Variants in PRDM5 observed in about 807,000 individuals in gnomAD.
PRDM5 encodes the protein PR domain zinc finger protein 5.
PRDM5 carries 56 observed loss-of-function variants against 81.2 expected under a neutral mutation model. That is an observed-to-expected ratio of 0.69 (90% confidence interval 0.56 to 0.86). PRDM5 has a LOEUF of 0.86. PRDM5 is among the 40% of genes least tolerant of loss of function. PRDM5 has a pLI of 0.00. For synonymous variants in PRDM5, 267 were observed against 256.4 expected (o/e 1.04, Z -0.39); for missense variants, 697 against 770.1 (o/e 0.91, Z 1.12).
At chr4:120,750,262 G>A (rs1288447342) in intron 14 of PRDM5, among the ~76,000 whole-genome samples, 3 of 152,156 alleles carry the variant, frequency 2.0e-5, no homozygotes, top group Non-Finnish European at 4.4e-5. Flanking sequence ...ACAACCCTGA[G>A]ACTCAAGTGC....
chr4:120,870,035 A>G (rs995893867), intron 2 of PRDM5, among the ~76,000 whole-genome samples: 7 of 152,192 alleles, frequency 4.6e-5, no homozygotes, highest in African/African-American at 1.7e-4. Flanking sequence ...AGAATAGGAG[A>G]GGAGGACATA....
chr4:120,804,056 C>G (rs1578800191), intron 8 of PRDM5, among the ~76,000 whole-genome samples: 1 of 152,220 alleles, frequency 6.6e-6, no homozygotes, highest in Non-Finnish European at 1.5e-5. Context: ...CAATCCTAGT[C>G]TCTGATAAAA....
chr4:120,906,169 C>T (rs1017459745), intron 2 of PRDM5, among the ~76,000 whole-genome samples: 1 of 151,980 alleles, frequency 6.6e-6, no homozygotes, highest in Non-Finnish European at 1.5e-5. Context: ...CATTGGGTTG[C>T]TATGTCGCTC....
At chr4:120,797,820 A>T (rs144992045) in intron 10 of PRDM5, among the ~76,000 whole-genome samples, 12 of 152,320 alleles carry the variant, frequency 7.9e-5, no homozygotes, top group African/African-American at 2.9e-4. Flanking sequence ...GAGAGAACAC[A>T]GAAGAGGTTC....
intron 14 of PRDM5, among the ~76,000 whole-genome samples, chr4:120,747,346 AG>A (rs1199748052): frequency 6.6e-6 from 1 of 151,176 alleles, no homozygotes; most frequent in Admixed American, 6.6e-5. Context: ...ATGACGAGTT[AG>A]TGGGTGCAGC....
At chr4:120,766,275 C>T (rs1001404867) in intron 13 of PRDM5, among the ~76,000 whole-genome samples, 1 of 152,072 alleles carries the variant, frequency 6.6e-6, no homozygotes. Context: ...ATTATTATTC[C>T]ATTTATCAGA....
intron 15 of PRDM5, among the ~76,000 whole-genome samples, chr4:120,702,750 A>C (rs1433121141): frequency 1.3e-5 from 2 of 152,204 alleles, no homozygotes; most frequent in Non-Finnish European, 2.9e-5. Context: ...TGTTTTTATA[A>C]GTATATATTC....
intron 2 of PRDM5, among the ~76,000 whole-genome samples, chr4:120,867,947 G>C (rs1021479237): frequency 2.0e-5 from 3 of 152,198 alleles, no homozygotes; most frequent in African/African-American, 7.2e-5. Flanking sequence ...GAGTGAAATG[G>C]GAACAACATT....
downstream of PRDM5, among the ~76,000 whole-genome samples, chr4:120,684,635 T>C (rs924978031): frequency 6.6e-6 from 1 of 152,010 alleles, no homozygotes; most frequent in Non-Finnish European, 1.5e-5. Context: ...TTGGGGCTTA[T>C]CTAATTTGCA....
At chr4:120,850,879 C>T (rs569894939) in intron 3 of PRDM5, among the ~76,000 whole-genome samples, 92 of 152,208 alleles carry the variant, frequency 6.0e-4, no homozygotes, top group African/African-American at 2.1e-3. Flanking sequence ...AAGTCTTAGA[C>T]AATGTGATTA....
At chr4:120,802,945 G>T (rs1450216535) in intron 8 of PRDM5, among the ~76,000 whole-genome samples, 2 of 152,164 alleles carry the variant, frequency 1.3e-5, no homozygotes, top group Non-Finnish European at 2.9e-5. Context: ...TCGCAGAGAA[G>T]CTAAAAACCT....
chr4:120,723,002 T>A (rs1045996344), intron 14 of PRDM5, among the ~76,000 whole-genome samples: 3 of 152,224 alleles, frequency 2.0e-5, no homozygotes, highest in Non-Finnish European at 2.9e-5. Context: ...AATCCTCATC[T>A]TTTAAGGCCC....
intron 13 of PRDM5, among the ~76,000 whole-genome samples, chr4:120,767,040 G>A (rs1488514921): frequency 6.6e-6 from 1 of 152,184 alleles, no homozygotes; most frequent in Admixed American, 6.5e-5. Flanking sequence ...AGAGCGGAAC[G>A]AAGGGGAAGC....
At chr4:120,872,150 CAAAAA>C (rs70948365) in intron 2 of PRDM5, among the ~76,000 whole-genome samples, 13 of 41,836 alleles carry the variant, frequency 3.1e-4, no homozygotes, top group Non-Finnish European at 3.6e-4. Context: ...GACTCCATCT[CAAAAA>C]AAAAAAAAAA....
intron 8 of PRDM5, among the ~76,000 whole-genome samples, chr4:120,809,792 A>G (rs1216006567): frequency 1.3e-5 from 2 of 152,236 alleles, no homozygotes; most frequent in Non-Finnish European, 2.9e-5. Flanking sequence ...TGGATTCGGA[A>G]AGGCTGAATA....
intron 14 of PRDM5, among the ~76,000 whole-genome samples, chr4:120,713,715 C>A (rs945372988): frequency 1.6e-4 from 24 of 152,162 alleles, no homozygotes; most frequent in African/African-American, 5.8e-4. Flanking sequence ...ACACTTAGAG[C>A]AGTATTTTAT....
chr4:120,861,498 T>C (rs1470084033), intron 2 of PRDM5, among the ~76,000 whole-genome samples: 1 of 152,112 alleles, frequency 6.6e-6, no homozygotes, highest in Non-Finnish European at 1.5e-5. Context: ...GATGGTGTTT[T>C]TAGAAAAAGA....
intron 14 of PRDM5, among the ~76,000 whole-genome samples, chr4:120,751,365 C>A (rs1332649295): frequency 4.0e-5 from 6 of 151,318 alleles, no homozygotes; most frequent in Non-Finnish European, 2.9e-5. Context: ...GAGAAAAACA[C>A]CGAGATTTTT....
chr4:120,906,648 A>T (rs545112119), intron 2 of PRDM5, among the ~76,000 whole-genome samples: 1 of 152,298 alleles, frequency 6.6e-6, no homozygotes, highest in South Asian at 2.1e-4. Context: ...AATTCTCATA[A>T]CGTGCAGACA....
Sources: gnomAD v4.1 joint callset for allele counts (sites outside exome capture counted in the v4.1 genomes callset) on GRCh38, gnomAD v4.1.1 for gene constraint, MANE v1.5 for transcripts, NCBI Gene and HGNC (gene_info 2026-07-23, HGNC 2026-07-21) for gene names.